SYN3: variants seen among roughly 807,000 people sequenced by gnomAD.
The protein encoded by SYN3 is synapsin-3.
SYN3 carries 35 observed loss-of-function variants against 65.8 expected under a neutral mutation model. The observed-to-expected ratio is 0.53, with a 90% CI of 0.41 to 0.70. The LOEUF is 0.70. Among genes scored for constraint, SYN3 ranks in the 30% least tolerant of loss-of-function variants. The pLI, the probability that SYN3 is intolerant of heterozygous loss-of-function variation, is 0.00. For missense variants in SYN3, 680 were observed against 749.0 expected, an observed-to-expected ratio of 0.91 and a Z score of 1.08; for synonymous variants, 270 against 292.9, an observed-to-expected ratio of 0.92 and a Z score of 0.80.
chr22:32,764,081 G>A (rs990824182), intron 6 of SYN3, among the ~76,000 whole-genome samples: 2 of 151,918 alleles, frequency 1.3e-5, no homozygotes, highest in African/African-American at 4.8e-5. Context: ...GGGATTACAG[G>A]CATCCACCAC....
chr22:32,573,861 C>G (rs1176049657), intron 7 of SYN3, among the ~76,000 whole-genome samples: 1 of 149,028 alleles, frequency 6.7e-6, no homozygotes, highest in South Asian at 2.2e-4. Flanking sequence ...CCTCCGCCTC[C>G]CAGGTTCAAG....
At chr22:33,045,683 C>T (rs757324187) in intron 1 of SYN3, among the ~76,000 whole-genome samples, 7 of 151,654 alleles carry the variant, frequency 4.6e-5, no homozygotes, top group East Asian at 3.9e-4. Context: ...AGGATGGTCT[C>T]GATCTCCTGA....
At chr22:32,797,947 C>T (rs1017540501) in intron 6 of SYN3, among the ~76,000 whole-genome samples, 2 of 152,218 alleles carry the variant, frequency 1.3e-5, no homozygotes, top group African/African-American at 4.8e-5. Context: ...AGTGACTTGA[C>T]CAAGGCAGGT....
intron 1 of SYN3, among the ~76,000 whole-genome samples, chr22:33,027,704 A>T (rs207477961): frequency 1.3e-5 from 2 of 152,168 alleles, no homozygotes; most frequent in African/African-American, 4.8e-5. Flanking sequence ...AAAGAAAGAG[A>T]GAGAGAGAAA....
At chr22:32,546,645 T>A (rs957889510) in intron 7 of SYN3, among the ~76,000 whole-genome samples, 33 of 152,224 alleles carry the variant, frequency 2.2e-4, no homozygotes, top group Middle Eastern at 3.4e-3. Context: ...GTGAAATGGC[T>A]GCTAGCCTGG....
Position 32,841,989 on chromosome 22 carries a change from C to T in SYN3, c.711+22926G>A, listed in dbSNP as rs1013374760. ...GACCACGAGCCTGCACCTCGATGAC[C>T]GGACTGAGCACCAAGAAGGTCATGG... On this transcript the variant is annotated intron_variant, in intron 6 of 13. Coordinates refer to ENST00000358763, the MANE Select transcript of SYN3 (RefSeq NM_003490.4). Among the ~76,000 whole-genome samples, 10 of 152,258 alleles carry T rather than the reference C, an allele frequency of 6.6e-5. No individual in the cohort carries two copies. In the South Asian group the frequency reaches 8.3e-4, roughly 13 times the overall value.
intron 12 of SYN3, among the ~76,000 whole-genome samples, chr22:32,520,962 G>T (rs1198251650): frequency 6.6e-6 from 1 of 152,162 alleles, no homozygotes; most frequent in African/African-American, 2.4e-5. Flanking sequence ...ACATTTTTGT[G>T]AGCTTGTGGA....
intron 7 of SYN3, among the ~76,000 whole-genome samples, chr22:32,573,182 G>T (rs1224736288): frequency 6.6e-6 from 1 of 152,144 alleles, no homozygotes; most frequent in Non-Finnish European, 1.5e-5. Context: ...GACAGTTTAT[G>T]ACTGTTTTCA....
chr22:32,528,119 A>C, intron 11 of SYN3, 114 bp from the exon 12 acceptor site: 2 of 824,230 alleles, frequency 2.4e-6, no homozygotes, highest in Middle Eastern at 2.4e-4. Context: ...TCTTACACAT[A>C]AAGTGTACAG....
chr22:32,722,739 A>T (rs2061137507), intron 6 of SYN3, among the ~76,000 whole-genome samples: 1 of 152,194 alleles, frequency 6.6e-6, no homozygotes, highest in South Asian at 2.1e-4. Context: ...AGTCACTGCC[A>T]GTCCCCCAAA....
At chr22:32,581,140 C>T (rs554186684) in intron 7 of SYN3, among the ~76,000 whole-genome samples, 8 of 152,206 alleles carry the variant, frequency 5.3e-5, no homozygotes, top group African/African-American at 9.7e-5. Context: ...GACTGAGTCT[C>T]GCTCTGCCAC....
intron 10 of SYN3, among the ~76,000 whole-genome samples, chr22:32,533,591 G>T (rs923214241): frequency 6.6e-6 from 1 of 152,186 alleles, no homozygotes; most frequent in African/African-American, 2.4e-5. Flanking sequence ...TCCCGACTCA[G>T]TTCCAAGTCC....
At chr22:32,783,490 C>T (rs1430601212) in intron 6 of SYN3, among the ~76,000 whole-genome samples, 1 of 152,200 alleles carries the variant, frequency 6.6e-6, no homozygotes, top group Non-Finnish European at 1.5e-5. Context: ...ATGAACCAAA[C>T]ACAAGGCATC....
intron 1 of SYN3, among the ~76,000 whole-genome samples, chr22:33,030,444 AAG>A (rs2053729086): frequency 6.6e-6 from 1 of 152,076 alleles, no homozygotes; most frequent in African/African-American, 2.4e-5. Flanking sequence ...AGAGACAGAG[AAG>A]AGAGAGAGGC....
chr22:32,622,653 A>G (rs964256645), intron 6 of SYN3, among the ~76,000 whole-genome samples: 2 of 150,222 alleles, frequency 1.3e-5, no homozygotes, highest in African/African-American at 4.9e-5. Flanking sequence ...CAGATTAGCA[A>G]GTCCAAAAGA....
chr22:32,955,047 G>C (rs2051409237), intron 3 of SYN3, among the ~76,000 whole-genome samples: 1 of 150,198 alleles, frequency 6.7e-6, no homozygotes, highest in Non-Finnish European at 1.5e-5. Context: ...GCTACCCATA[G>C]TGCAGACCTC....
intron 3 of SYN3, among the ~76,000 whole-genome samples, chr22:32,950,160 G>A (rs887962771): frequency 6.7e-6 from 1 of 149,214 alleles, no homozygotes; most frequent in Non-Finnish European, 1.5e-5. Context: ...GAGAAACAGA[G>A]AGAGAAAAAG....
chr22:32,577,282 T>A (rs34630391), intron 7 of SYN3, among the ~76,000 whole-genome samples: 1 of 152,100 alleles, frequency 6.6e-6, no homozygotes, highest in Non-Finnish European at 1.5e-5. Flanking sequence ...ACCTGCGATG[T>A]CTCCTTATCT....
chr22:32,588,694 C>T (rs1484689110), intron 7 of SYN3, among the ~76,000 whole-genome samples: 1 of 152,308 alleles, frequency 6.6e-6, no homozygotes, highest in South Asian at 2.1e-4. Context: ...CAAGGACACA[C>T]AAACAGTAAA....
Sources: gnomAD v4.1 joint callset for allele counts (sites outside exome capture counted in the v4.1 genomes callset) on GRCh38, gnomAD v4.1.1 for gene constraint, MANE v1.5 for transcripts, NCBI Gene and HGNC (gene_info 2026-07-23, HGNC 2026-07-21) for gene names.